Variants in RALGPS2 observed in about 807,000 individuals in gnomAD.
RALGPS2 encodes the protein Ral GEF with PH domain and SH3 binding motif 2, also known as ras-specific guanine nucleotide-releasing factor RalGPS2.
Under a neutral mutation model 86.8 loss-of-function variants are expected in RALGPS2, and 43 were observed. The observed-to-expected ratio is 0.50, with a 90% CI of 0.39 to 0.64. The LOEUF (loss-of-function observed/expected upper bound fraction) is 0.64, where lower values mean the gene tolerates loss of function less well. Among genes scored for constraint, RALGPS2 ranks in the 30% least tolerant of loss-of-function variants. The pLI is 0.00. For synonymous variants in RALGPS2, 243 were observed against 231.3 expected (o/e 1.05, Z -0.46); for missense variants, 536 against 694.6 (o/e 0.77, Z 2.57).
At chr1:178,843,647 G>A (rs1656719488) in intron 8 of RALGPS2, among the ~76,000 whole-genome samples, 1 of 138,228 alleles carries the variant, frequency 7.2e-6, no homozygotes, top group Non-Finnish European at 1.5e-5. Context: ...AAAACTTAAA[G>A]TATAATTAAA....
chr1:178,740,189 C>G (rs1650939809), intron 1 of RALGPS2, among the ~76,000 whole-genome samples: 1 of 152,174 alleles, frequency 6.6e-6, no homozygotes, highest in Admixed American at 6.5e-5. Flanking sequence ...GAAATCCTGG[C>G]AAGACTTTTG....
At chr1:178,813,639 T>C (rs1655095410) in intron 6 of RALGPS2, among the ~76,000 whole-genome samples, 1 of 152,188 alleles carries the variant, frequency 6.6e-6, no homozygotes, top group African/African-American at 2.4e-5. Flanking sequence ...AATGTATAAA[T>C]AGATTTTAGG....
At chr1:178,840,401 A>T (rs559210909) in intron 8 of RALGPS2, among the ~76,000 whole-genome samples, 1 of 152,208 alleles carries the variant, frequency 6.6e-6, no homozygotes, top group Non-Finnish European at 1.5e-5. Context: ...CTGAATGACT[A>T]CTGGGTACAT....
chr1:178,803,924 AG>A (rs1268973732), intron 4 of RALGPS2, among the ~76,000 whole-genome samples: 2 of 152,158 alleles, frequency 1.3e-5, no homozygotes, highest in Non-Finnish European at 2.9e-5. Flanking sequence ...TTCTTGATGA[AG>A]TCCTGTCTGC....
chr1:178,910,438 A>G (rs546436739), intron 19 of RALGPS2, among the ~76,000 whole-genome samples: 1 of 152,274 alleles, frequency 6.6e-6, no homozygotes, highest in East Asian at 1.9e-4. Context: ...ATGTTCTTTC[A>G]GTGCCTAATT....
At chr1:178,857,212 T>G (rs1292056982) in intron 8 of RALGPS2, among the ~76,000 whole-genome samples, 1 of 152,236 alleles carries the variant, frequency 6.6e-6, no homozygotes. Context: ...TTTGTATACT[T>G]ACAGTATTCA....
At chr1:178,865,211 T>G (rs1342569786) in intron 8 of RALGPS2, 3 of 1,614,074 alleles carry the variant, frequency 1.9e-6, no homozygotes, top group Non-Finnish European at 2.5e-6. Context: ...CATCACAGAT[T>G]GGTTATTGAC....
intron 1 of RALGPS2, among the ~76,000 whole-genome samples, chr1:178,751,980 T>C (rs898443951): frequency 3.3e-5 from 5 of 152,212 alleles, no homozygotes; most frequent in African/African-American, 9.6e-5. Flanking sequence ...TTAACACTTA[T>C]AATTGTGGGT....
At chr1:178,855,015 A>G (rs941577138) in intron 8 of RALGPS2, among the ~76,000 whole-genome samples, 4 of 152,148 alleles carry the variant, frequency 2.6e-5, no homozygotes, top group Non-Finnish European at 5.9e-5. Flanking sequence ...AGAACAAAAA[A>G]TGTATAAAAA....
At chr1:178,776,529 G>A (rs2102104492) in intron 1 of RALGPS2, among the ~76,000 whole-genome samples, 153 bp from the exon 2 acceptor site, 1 of 152,256 alleles carries the variant, frequency 6.6e-6, no homozygotes, top group South Asian at 2.1e-4. Flanking sequence ...GAGCATACAA[G>A]ATTGTCCTCA....
chr1:178,788,234 T>C (rs1479768871), intron 4 of RALGPS2, among the ~76,000 whole-genome samples: 1 of 152,226 alleles, frequency 6.6e-6, no homozygotes, highest in East Asian at 1.9e-4. Context: ...ACTTTTTCAC[T>C]GGACTCGTCA....
At chr1:178,798,316 T>G (rs2102163602) in intron 4 of RALGPS2, among the ~76,000 whole-genome samples, 1 of 152,332 alleles carries the variant, frequency 6.6e-6, no homozygotes, top group Middle Eastern at 3.4e-3. Flanking sequence ...TGAGCTCAAG[T>G]GTTGAGAGTA....
rs1268275765 is a variant in RALGPS2, at chr1:178,916,600, G to A, written c.*241G>A. On this transcript the variant is annotated 3_prime_UTR_variant, in exon 20 of 20. Transcript: ENST00000367635. ...ATGCTTCTTATCTCAGAACTGACCT[G>A]TGGAAACCACTGCCTTAAAAGAATG... The A allele has an allele frequency of 6.8e-6, 3 of 438,006 alleles. No homozygotes were observed. Among genetic ancestry groups the A allele is most frequent in the African/African-American group, 2.0e-5 (1 of 49,322 alleles). 27.1% of individuals were successfully genotyped at this position (438,006 alleles called of 1,614,324 possible).
At chr1:178,834,485 A>T (rs920467896) in intron 8 of RALGPS2, among the ~76,000 whole-genome samples, 6 of 152,230 alleles carry the variant, frequency 3.9e-5, no homozygotes, top group African/African-American at 1.4e-4. Context: ...ACTATAGAAC[A>T]TCAACCTTAG....
intron 4 of RALGPS2, among the ~76,000 whole-genome samples, chr1:178,802,302 A>G (rs1171545985): frequency 6.6e-6 from 1 of 152,128 alleles, no homozygotes; most frequent in Non-Finnish European, 1.5e-5. Context: ...TGTTTATAAG[A>G]TATATTGACT....
At chr1:178,844,330 A>G (rs1287635341) in intron 8 of RALGPS2, among the ~76,000 whole-genome samples, 1 of 152,214 alleles carries the variant, frequency 6.6e-6, no homozygotes, top group East Asian at 1.9e-4. Context: ...TTCTCCCCTA[A>G]AAATGAGAAC....
chr1:178,750,577 A>C (rs577952085), intron 1 of RALGPS2, among the ~76,000 whole-genome samples: 1 of 152,346 alleles, frequency 6.6e-6, no homozygotes, highest in South Asian at 2.1e-4. Context: ...GAATAAGGCA[A>C]CCTTAGCTTT....
intron 9 of RALGPS2, among the ~76,000 whole-genome samples, 189 bp from the exon 10 acceptor site, chr1:178,878,713 A>G (rs528366719): frequency 6.6e-6 from 1 of 152,292 alleles, no homozygotes; most frequent in Admixed American, 6.5e-5. Flanking sequence ...TACAAACAAT[A>G]TACAACTGTA....
At chr1:178,745,416 G>A (rs1009523797) in intron 1 of RALGPS2, among the ~76,000 whole-genome samples, 6 of 152,204 alleles carry the variant, frequency 3.9e-5, no homozygotes, top group South Asian at 4.1e-4. Context: ...TGTTGTATTT[G>A]TATAAGGATG....
Sources: allele counts gnomAD v4.1 joint callset (sites outside exome capture counted in the v4.1 genomes callset), GRCh38; gene constraint gnomAD v4.1.1; transcripts MANE v1.5; gene names NCBI Gene and HGNC (gene_info 2026-07-23, HGNC 2026-07-21).